Variants in ERAP1 observed in about 807,000 individuals in gnomAD.
ERAP1 encodes the protein adipocyte-derived leucine aminopeptidase.
Under a neutral mutation model 103.7 loss-of-function variants are expected in ERAP1, and 86 were observed. The ratio of observed to expected loss-of-function variants is 0.83; its 90% confidence interval spans 0.70 to 0.99. The LOEUF (loss-of-function observed/expected upper bound fraction) is 0.99, where lower values mean the gene tolerates loss of function less well. ERAP1 is among the 50% of genes least tolerant of loss of function. The pLI, the probability that ERAP1 is intolerant of heterozygous loss-of-function variation, is 0.00. For synonymous variants in ERAP1, 398 were observed against 402.4 expected, an observed-to-expected ratio of 0.99 and a Z score of 0.13; for missense variants, 1,009 against 1,128.4, an observed-to-expected ratio of 0.89 and a Z score of 1.52.
chr5:96,782,952 C>CACTT, intron 15 of ERAP1, 99 bp downstream of exon 15: 1 of 1,176,680 alleles, frequency 8.5e-7, no homozygotes, highest in Non-Finnish European at 1.3e-6. Flanking sequence ...GCAGGGGAGA[C>CACTT]ACTTAAACTT....
chr5:96,902,206 A>G, the ERAP1 span: 1 of 1,082,920 alleles, frequency 9.2e-7, no homozygotes. Context: ...AGTCTGTCTG[A>G]GTCTGACAAT....
the ERAP1 span, among the ~76,000 whole-genome samples, chr5:96,831,033 G>A: frequency 6.6e-6 from 1 of 152,166 alleles, no homozygotes; most frequent in Non-Finnish European, 1.5e-5. Context: ...TTGCTATAAA[G>A]GAATACTTGA....
At chr5:96,773,936 A>G (rs1033280398), downstream of ERAP1, 2 of 152,302 alleles carry the variant, frequency 1.3e-5, no homozygotes, top group African/African-American at 4.8e-5. Context: ...CTGCTTATAA[A>G]TGGCACCACA....
At chr5:96,780,369 TTAGC>T in intron 18 of ERAP1, 50 bp downstream of exon 18, 1 of 1,292,856 alleles carries the variant, frequency 7.7e-7, no homozygotes, top group Non-Finnish European at 1.1e-6. Flanking sequence ...CCCATATTAA[TTAGC>T]TAATTTTCAT....
intron 3 of ERAP1, 123 bp downstream of exon 3, chr5:96,800,739 A>T: frequency 9.8e-7 from 1 of 1,022,402 alleles, no homozygotes; most frequent in Non-Finnish European, 1.5e-6. Flanking sequence ...ATGAAAAGTT[A>T]GTAACGATCT....
chr5:96,869,351 A>C, the ERAP1 span, among the ~76,000 whole-genome samples: 1 of 152,164 alleles, frequency 6.6e-6, no homozygotes, highest in Non-Finnish European at 1.5e-5. Context: ...CTAGTTTTAT[A>C]CCAAGTGTTG....
the ERAP1 span, chr5:96,883,930 G>T: frequency 1.3e-6 from 2 of 1,580,054 alleles, no homozygotes; most frequent in Non-Finnish European, 1.7e-6. Context: ...ACATGCCAAA[G>T]GTATGTCCAC....
In ERAP1 at chr5:96,781,236, G is replaced by A. The variant is rs27042; in HGVS notation, c.2448-38C>T. The A allele has an allele frequency of 0.37, 584,120 of 1,592,212 alleles. 109,996 individuals are homozygous for A. The highest frequency in any genetic ancestry group is 0.48 in the South Asian group (42,989 of 90,238). ...AGAAAAGAAATGTTAGCAATGAATA[G>A]GTGATGAAACAGTTATGAATCACTG... is the stretch of plus-strand genomic sequence containing the variant. On this transcript the variant is annotated intron_variant, in intron 16 of 18. Coordinates refer to ENST00000443439, the MANE Select transcript of ERAP1 (RefSeq NM_001040458.3).
the ERAP1 span, chr5:96,881,299 AT>A: frequency 2.5e-6 from 1 of 407,756 alleles, no homozygotes; most frequent in South Asian, 1.8e-5. Flanking sequence ...AGTGATGCTA[AT>A]TTGGGCCAGG....
At chr5:96,854,844 A>C in the ERAP1 span, among the ~76,000 whole-genome samples, 1 of 152,178 alleles carries the variant, frequency 6.6e-6, no homozygotes, top group Non-Finnish European at 1.5e-5. Flanking sequence ...GTTTAACCAA[A>C]ACTTAAAATA....
chr5:96,907,291 AAAAAG>A, the ERAP1 span, among the ~76,000 whole-genome samples: 3 of 152,230 alleles, frequency 2.0e-5, no homozygotes, highest in African/African-American at 7.2e-5. Flanking sequence ...GTAACTATAT[AAAAAG>A]AAAAGGAGTC....
chr5:96,778,857 C>T (rs931056876), intron 18 of ERAP1, among the ~76,000 whole-genome samples: 19 of 152,118 alleles, frequency 1.2e-4, no homozygotes, highest in African/African-American at 3.9e-4. Flanking sequence ...GCAGGACTTG[C>T]GTAGTTAGAT....
the ERAP1 span, among the ~76,000 whole-genome samples, chr5:96,877,936 T>G: frequency 6.6e-6 from 1 of 152,218 alleles, no homozygotes; most frequent in Admixed American, 6.5e-5. Context: ...ATTGAAGTAA[T>G]TGTTTGGATA....
chr5:96,881,389 T>C, the ERAP1 span: 6 of 455,550 alleles, frequency 1.3e-5, no homozygotes, highest in Non-Finnish European at 2.6e-5. Flanking sequence ...ATTGCTGACA[T>C]ATTGGTCATG....
At chr5:96,911,410 T>A in the ERAP1 span, among the ~76,000 whole-genome samples, 3 of 152,176 alleles carry the variant, frequency 2.0e-5, no homozygotes, top group Admixed American at 1.3e-4. Context: ...TAAAAACTGG[T>A]TAATGTCCTC....
At chr5:96,858,621 T>C in the ERAP1 span, among the ~76,000 whole-genome samples, 1 of 152,232 alleles carries the variant, frequency 6.6e-6, no homozygotes, top group Non-Finnish European at 1.5e-5. Context: ...AAGATTTCTC[T>C]GAGCCCTAAA....
At chr5:96,864,824 A>T in the ERAP1 span, among the ~76,000 whole-genome samples, 1 of 151,978 alleles carries the variant, frequency 6.6e-6, no homozygotes, top group Non-Finnish European at 1.5e-5. Flanking sequence ...TTTTTTTTTC[A>T]AAGTGACTTA....
chr5:96,851,796 T>G, the ERAP1 span, among the ~76,000 whole-genome samples: 1 of 152,116 alleles, frequency 6.6e-6, no homozygotes, highest in Non-Finnish European at 1.5e-5. Flanking sequence ...AAGTAAGTAT[T>G]GTATGCCGGC....
intron 1 of ERAP1, among the ~76,000 whole-genome samples, chr5:96,806,558 T>C (rs1159485592): frequency 6.6e-6 from 1 of 152,074 alleles, no homozygotes; most frequent in Non-Finnish European, 1.5e-5. Context: ...ACACAACTTG[T>C]TGGAATGCAA....
Sources: gnomAD v4.1 joint callset for allele counts (sites outside exome capture counted in the v4.1 genomes callset) on GRCh38, gnomAD v4.1.1 for gene constraint, MANE v1.5 for transcripts, NCBI Gene and HGNC (gene_info 2026-07-23, HGNC 2026-07-21) for gene names.